Variants in ITGA8 observed in about 807,000 individuals in gnomAD.
ITGA8 encodes the protein integrin subunit alpha 8.
A neutral mutation model predicts 142.3 loss-of-function variants in ITGA8; 91 were observed. The ratio of observed to expected loss-of-function variants is 0.64; its 90% CI spans 0.54 to 0.76. ITGA8 has a LOEUF of 0.76. Ranked by LOEUF, ITGA8 falls within the 30% of genes least tolerant of loss-of-function variation. ITGA8 has a pLI of 0.00. For missense variants in ITGA8, 1,406 were observed against 1,327.7 expected (o/e 1.06, Z -0.92); for synonymous variants, 505 against 485.2 (o/e 1.04, Z -0.54).
At chr10:15,643,433 C>G (rs1316529098) in intron 13 of ITGA8, among the ~76,000 whole-genome samples, 1 of 152,146 alleles carries the variant, frequency 6.6e-6, no homozygotes. Context: ...GCATGCATCA[C>G]CATGCCCAGC....
At chr10:15,644,455 T>C (rs1423501814) in intron 12 of ITGA8, among the ~76,000 whole-genome samples, 704 of 7,650 alleles carry the variant, frequency 0.092, 46 homozygotes, top group Non-Finnish European at 0.24. Context: ...TATATATATA[T>C]ATATATATAT....
intron 2 of ITGA8, among the ~76,000 whole-genome samples, chr10:15,691,219 G>A (rs569855718): frequency 1.3e-5 from 2 of 152,044 alleles, no homozygotes; most frequent in African/African-American, 4.8e-5. Context: ...ATGAAGAAAG[G>A]GACCCCTAGC....
chr10:15,719,513 C>T, intron 1 of ITGA8, 50 bp downstream of exon 1: 1 of 1,471,620 alleles, frequency 6.8e-7, no homozygotes, highest in South Asian at 1.3e-5. Flanking sequence ...GGGACCTGAC[C>T]CGGGAGCGCC....
chr10:15,670,268 G>A (rs1190887201), intron 8 of ITGA8, among the ~76,000 whole-genome samples: 1 of 152,232 alleles, frequency 6.6e-6, no homozygotes, highest in East Asian at 1.9e-4. Flanking sequence ...TACCCGTTGA[G>A]TGAAAGCTCC....
At chr10:15,627,771 G>C (rs896320922) in intron 13 of ITGA8, among the ~76,000 whole-genome samples, 1 of 152,126 alleles carries the variant, frequency 6.6e-6, no homozygotes. Flanking sequence ...ATTTGAACCA[G>C]AGCAACTCCA....
intron 11 of ITGA8, among the ~76,000 whole-genome samples, chr10:15,653,540 A>C (rs909917642): frequency 2.6e-5 from 4 of 152,142 alleles, no homozygotes; most frequent in Non-Finnish European, 4.4e-5. Context: ...TTGAATTCAC[A>C]CTTGGTATCA....
In ITGA8 at chr10:15,620,174, A is replaced by G. The variant is rs550127056; in HGVS notation, c.1400-3615T>C. 2.4e-4 allele frequency among the ~76,000 whole-genome samples: 37 copies of G among 152,374 alleles called. No individual in the cohort carries two copies. In the South Asian group the frequency reaches 6.0e-3, roughly 25 times the overall value. ...AGACTTCATAAATGCCTGATTAAAT[A>G]GGGAGCATAAGTAATAATGTAATAA... On this transcript the variant is annotated intron_variant, in intron 13 of 29. Transcript: ENST00000378076.
chr10:15,637,315 T>A (rs1334480029), intron 13 of ITGA8, among the ~76,000 whole-genome samples: 2 of 152,012 alleles, frequency 1.3e-5, no homozygotes, highest in Non-Finnish European at 2.9e-5. Context: ...TTTGTAAAAA[T>A]CCTCTCCCGC....
intron 13 of ITGA8, among the ~76,000 whole-genome samples, chr10:15,625,912 G>T (rs1011969085): frequency 6.6e-6 from 1 of 152,192 alleles, no homozygotes; most frequent in East Asian, 1.9e-4. Context: ...ACATAGACAA[G>T]CAAGCTGGAA....
rs1476619794 is a variant in ITGA8 at position 15,575,510 on chromosome 10, T to C, written c.2457A>G (p.Pro819=). The C allele has an allele frequency of 5.1e-5, 83 of 1,613,620 alleles. 1 individual carries two copies. In the Admixed American group the frequency reaches 1.4e-3, roughly 27 times the overall value. ...EEPHKEEEVG[P]LVEHIYELHN... is the part of the protein sequence containing the mutation. ...CTACCTCATAAATATGTTCCACCAA[T>C]GGTCCAACCTCCTCCTCTTTGTGGG... The change falls in exon 24 of 30, where the codon CCA becomes CCG. Residue 819 remains proline, a synonymous_variant. Coordinates refer to ENST00000378076, the MANE Select transcript of ITGA8 (RefSeq NM_003638.3).
Position 15,572,247 on chromosome 10 carries a change from G to T in ITGA8, c.2601C>A (p.Cys867Ter). ...GTGGATTGATATTAGGATTTGGTTG[G>T]CACTGCAGAGGTCCCAGAGTTTGAA... ...FHIQTLGPLQ[C>*]QPNPNINPQD... Residue 867 changes from cysteine (C) to a stop codon, truncating the protein, a stop_gained, in exon 25 of 30, where the codon TGC becomes TGA. Transcript: ENST00000378076. LOFTEE classifies it high-confidence loss of function. 1 of 1,613,828 alleles carries T rather than the reference G, an allele frequency of 6.2e-7. No individual in the cohort carries two copies.
chr10:15,629,784 G>C (rs1230364534), intron 13 of ITGA8, among the ~76,000 whole-genome samples: 1 of 151,908 alleles, frequency 6.6e-6, no homozygotes, highest in Non-Finnish European at 1.5e-5. Context: ...AAAATTAGTT[G>C]GGTGTGCTGG....
intron 26 of ITGA8, among the ~76,000 whole-genome samples, chr10:15,550,111 C>G (rs1833768358): frequency 6.6e-6 from 1 of 152,182 alleles, no homozygotes; most frequent in African/African-American, 2.4e-5. Context: ...GTGAATAAGT[C>G]TCACGAGATC....
chr10:15,646,815 T>C (rs780338708), intron 12 of ITGA8, 31 bp downstream of exon 12: 14 of 1,568,366 alleles, frequency 8.9e-6, no homozygotes, highest in Non-Finnish European at 1.2e-5. Context: ...TGACGACACA[T>C]AAATGACTTC....
rs749416058 is a variant in ITGA8 at position 15,687,998 on chromosome 10, G to A, written c.384C>T (p.Ile128=). ...CAAACCACTGATTGGATTTGAACTC[G>A]ATAGGTTCTTTGGTTCCATTAACTC... ...KIRVNGTKEP[I]EFKSNQWFGA... is the part of the protein sequence containing the mutation. Residue 128 remains isoleucine, a synonymous_variant, in exon 3 of 30, where the codon ATC becomes ATT. Coordinates refer to ENST00000378076, the MANE Select transcript of ITGA8 (RefSeq NM_003638.3). 6.2e-6 allele frequency: 10 copies of A among 1,613,498 alleles called. No individual in the cohort carries two copies. The highest frequency in any genetic ancestry group is 1.7e-4 in the Middle Eastern group (1 of 6,060).
At chr10:15,640,897 C>A (rs1833859037) in intron 13 of ITGA8, among the ~76,000 whole-genome samples, 1 of 152,218 alleles carries the variant, frequency 6.6e-6, no homozygotes, top group Non-Finnish European at 1.5e-5. Context: ...GAAGCTTGAG[C>A]AATGCCCCAA....
In ITGA8 at chr10:15,586,473, A is replaced by G. The variant is rs1179079400; in HGVS notation, c.2372+111T>C. On this transcript the variant is annotated intron_variant, in intron 23 of 29. Coordinates refer to ENST00000378076, the MANE Select transcript of ITGA8 (RefSeq NM_003638.3). Reference sequence around the variant, plus strand: ...GAAAAGAGTGAAAATTAATATCCAAAATGAACTGTGATCTCTAATGCATCA... The same window carrying G: ...GAAAAGAGTGAAAATTAATATCCAAGATGAACTGTGATCTCTAATGCATCA... 7.9e-6 allele frequency: 5 copies of G among 632,218 alleles called. No individual in the cohort carries two copies. In the East Asian group the frequency reaches 1.1e-4, roughly 14 times the overall value. The allele number at this position is 632,218 out of a possible 1,614,324, so 39.2% of individuals were successfully genotyped here.
intron 25 of ITGA8, among the ~76,000 whole-genome samples, chr10:15,559,825 G>T (rs911408040): frequency 2.3e-5 from 3 of 131,518 alleles, no homozygotes; most frequent in Non-Finnish European, 4.8e-5. Context: ...GCCTGTCAGG[G>T]TAGGGGGGCG....
intron 25 of ITGA8, among the ~76,000 whole-genome samples, chr10:15,563,990 A>T (rs749858898): frequency 6.6e-6 from 1 of 152,188 alleles, no homozygotes; most frequent in African/African-American, 2.4e-5. Flanking sequence ...CATCAGATGT[A>T]TCTTGTGTAC....
Sources: gnomAD v4.1 joint callset for allele counts (sites outside exome capture counted in the v4.1 genomes callset) on GRCh38, gnomAD v4.1.1 for gene constraint, MANE v1.5 for transcripts, NCBI Gene and HGNC (gene_info 2026-07-23, HGNC 2026-07-21) for gene names.